Variants in CEP126 observed in about 807,000 individuals in gnomAD.
The protein encoded by CEP126 is centrosomal protein 126.
A neutral mutation model predicts 107.8 loss-of-function variants in CEP126; 74 were observed. That is an observed-to-expected ratio of 0.69 (90% CI 0.57 to 0.83). The LOEUF (loss-of-function observed/expected upper bound fraction) is 0.83, where lower values mean the gene tolerates loss of function less well. Among genes scored for constraint, CEP126 ranks in the 40% least tolerant of loss-of-function variants. The probability of loss-of-function intolerance (pLI) is 0.00; values close to 1 mark genes in which losing one functional copy is unlikely to be tolerated. For synonymous variants in CEP126, 449 were observed against 446.0 expected, an observed-to-expected ratio of 1.01 and a Z score of -0.08; for missense variants, 1,237 against 1,281.9, an observed-to-expected ratio of 0.96 and a Z score of 0.53.
chr11:101,963,733 C>T lies in CEP126; in HGVS notation c.2698C>T (p.Arg900Trp), dbSNP rs1400675448. The T allele has an allele frequency of 6.8e-6, 11 of 1,613,860 alleles. No homozygotes were observed. The highest frequency in any genetic ancestry group is 6.7e-5 in the East Asian group (3 of 44,858). Residue 900 changes from arginine (R) to tryptophan (W), a missense_variant, in exon 6 of 11, where the codon CGG (arginine) becomes TGG (tryptophan). Physicochemically the swap from Arg to Trp is moderately radical, Grantham distance 101 (BLOSUM62 -3). Transcript: ENST00000263468. Reference sequence around the variant, plus strand: ...TTCAAATGGCACTCAAGCAGTTGCCCGGCAAGATGCGACATTATATTGCAC... The same window carrying T: ...TTCAAATGGCACTCAAGCAGTTGCCTGGCAAGATGCGACATTATATTGCAC... ...NHSNGTQAVA[R>W]QDATLYCTQR... is the part of the protein sequence containing the mutation.
At chr11:101,926,168 GTAC>G (rs1940406479) in intron 2 of CEP126, among the ~76,000 whole-genome samples, 1 of 152,144 alleles carries the variant, frequency 6.6e-6, no homozygotes, top group Non-Finnish European at 1.5e-5. Flanking sequence ...TATGCAGTAA[GTAC>G]TACAATAGCA....
At chr11:101,979,933 CT>C (rs889675433) in intron 7 of CEP126, among the ~76,000 whole-genome samples, 2 of 151,908 alleles carry the variant, frequency 1.3e-5, no homozygotes, top group African/African-American at 4.8e-5. Context: ...ATCACTCTGA[CT>C]TTTTTTAATA....
intron 2 of CEP126, among the ~76,000 whole-genome samples, chr11:101,931,604 T>C (rs1425889918): frequency 6.6e-6 from 1 of 152,244 alleles, no homozygotes; most frequent in African/African-American, 2.4e-5. Flanking sequence ...TATTTTTAAT[T>C]TTTTAATTTC....
chr11:101,940,676 G>A (rs1940650834), intron 2 of CEP126, among the ~76,000 whole-genome samples: 1 of 152,208 alleles, frequency 6.6e-6, no homozygotes, highest in African/African-American at 2.4e-5. Flanking sequence ...GTGCTAGGCT[G>A]AGAAGGCTAC....
intron 9 of CEP126, among the ~76,000 whole-genome samples, chr11:101,988,362 G>C (rs1231575396): frequency 6.6e-6 from 1 of 152,136 alleles, no homozygotes; most frequent in Non-Finnish European, 1.5e-5. Flanking sequence ...TTTATCCACA[G>C]TATATCTTAG....
At chr11:101,944,500 G>A in intron 3 of CEP126, 90 bp downstream of exon 3, 5 of 1,268,308 alleles carry the variant, frequency 3.9e-6, no homozygotes, top group Non-Finnish European at 5.4e-6. Context: ...AAGAAATGAA[G>A]TGGAAACAAA....
At chr11:101,949,369 T>C (rs970962604) in intron 4 of CEP126, among the ~76,000 whole-genome samples, 2 of 152,154 alleles carry the variant, frequency 1.3e-5, no homozygotes, top group Non-Finnish European at 1.5e-5. Flanking sequence ...TGAACAATTG[T>C]GGATAATGGA....
chr11:101,989,700 C>T (rs1941354783), intron 9 of CEP126, among the ~76,000 whole-genome samples: 1 of 152,194 alleles, frequency 6.6e-6, no homozygotes, highest in Admixed American at 6.5e-5. Flanking sequence ...TGCCTCACGC[C>T]TGTAATCCCA....
intron 10 of CEP126, among the ~76,000 whole-genome samples, chr11:101,994,419 T>G (rs560994608): frequency 6.6e-6 from 1 of 152,364 alleles, no homozygotes; most frequent in Non-Finnish European, 1.5e-5. Context: ...TTGCTTTTGA[T>G]GTCTTCATCA....
intron 4 of CEP126, among the ~76,000 whole-genome samples, chr11:101,953,387 G>A (rs1331766205): frequency 1.3e-5 from 2 of 152,018 alleles, no homozygotes; most frequent in African/African-American, 4.8e-5. Flanking sequence ...GGTCCATAGA[G>A]AAGGAGAAGA....
At chr11:101,937,623 A>G (rs957724520) in intron 2 of CEP126, among the ~76,000 whole-genome samples, 1 of 152,144 alleles carries the variant, frequency 6.6e-6, no homozygotes, top group Admixed American at 6.5e-5. Context: ...TTTTGGAATC[A>G]TAGTTATGCT....
At chr11:101,966,134 G>T (rs1941054699) in intron 6 of CEP126, among the ~76,000 whole-genome samples, 2 of 152,186 alleles carry the variant, frequency 1.3e-5, no homozygotes, top group East Asian at 3.9e-4. Context: ...AAAATGTAAT[G>T]AATTTTAACA....
intron 2 of CEP126, among the ~76,000 whole-genome samples, chr11:101,938,169 A>AAAAAAAAAAAAAAAAAC (rs1565353082): frequency 7.0e-6 from 1 of 143,854 alleles, no homozygotes; most frequent in African/African-American, 2.6e-5. Context: ...CAAAAAAAAA[A>AAAAAAAAAAAAAAAAAC]AAAAAAATAC....
intron 9 of CEP126, among the ~76,000 whole-genome samples, chr11:101,989,857 G>A (rs547581497): frequency 1.3e-5 from 2 of 152,272 alleles, no homozygotes; most frequent in Non-Finnish European, 2.9e-5. Context: ...CTACTAGGGA[G>A]GCTGAGGCAG....
Position 101,948,459 on chromosome 11 carries a change from A to G in CEP126, c.506+317A>G, listed in dbSNP as rs1035734998. ...TTAAAATGTTTATATCTTTACTGAG[A>G]AGAGAAAATTATGTTGAATTGTAAT... is the stretch of plus-strand genomic sequence containing the variant. On this transcript the variant is annotated intron_variant, in intron 4 of 10. Transcript: ENST00000263468. Among the ~76,000 whole-genome samples, 3 of 152,164 alleles carry G rather than the reference A, an allele frequency of 2.0e-5. No individual in the cohort carries two copies. The South Asian group carries it at 6.2e-4, about 31-fold the overall frequency.
In CEP126 at chr11:101,948,157, A is replaced by T; in HGVS notation, c.506+15A>T. ...ATAAACTGGAGGTAAGTAATTTATG[A>T]TCATTGTATACAATTATTACAATAA... On this transcript the variant is annotated intron_variant, in intron 4 of 10. Coordinates refer to ENST00000263468, the MANE Select transcript of CEP126 (RefSeq NM_020802.4). 1 of 1,434,116 alleles carries T rather than the reference A, an allele frequency of 7.0e-7. No homozygotes were observed. The highest frequency in any genetic ancestry group is 1.2e-5 in the South Asian group (1 of 84,672). The allele number at this position is 1,434,116 out of a possible 1,614,324, so 88.8% of individuals were successfully genotyped here.
chr11:101,997,082 G>C (rs1231804266), intron 10 of CEP126, among the ~76,000 whole-genome samples: 1 of 152,084 alleles, frequency 6.6e-6, no homozygotes. Context: ...CTGTCACCCA[G>C]GCTGGAGTAC....
At position 101,987,161 on chromosome 11, in the gene CEP126, C is replaced by T. The variant is rs1941326304; in HGVS notation, c.3244+120C>T. 4.6e-6 allele frequency: 3 copies of T among 654,718 alleles called. No homozygotes were observed. The Admixed American group carries it at 8.7e-5, about 19-fold the overall frequency. 40.6% of individuals were successfully genotyped at this position (654,718 alleles called of 1,614,324 possible). A position where few individuals can be genotyped will look rare whatever the true frequency, so the allele number is the denominator to read the frequency against. On this transcript the variant is annotated intron_variant, in intron 9 of 10. Transcript: ENST00000263468. ...CAAAATATATCCATATTACCAACTA[C>T]CTGAGTGCATAACCATTCAGACTAT... is the stretch of plus-strand genomic sequence containing the variant.
chr11:101,980,407 GC>G (rs1941242004), intron 7 of CEP126, among the ~76,000 whole-genome samples: 1 of 152,054 alleles, frequency 6.6e-6, no homozygotes, highest in Non-Finnish European at 1.5e-5. Flanking sequence ...TGTTATTAGT[GC>G]CCTCTGTAAA....
Sources: gnomAD v4.1 joint callset for allele counts (sites outside exome capture counted in the v4.1 genomes callset) on GRCh38, gnomAD v4.1.1 for gene constraint, MANE v1.5 for transcripts, NCBI Gene and HGNC (gene_info 2026-07-23, HGNC 2026-07-21) for gene names.